SLC4A4: variants seen among roughly 807,000 people sequenced by gnomAD.
SLC4A4 encodes the protein electrogenic sodium bicarbonate cotransporter 1.
A neutral mutation model predicts 111.5 loss-of-function variants in SLC4A4; 27 were observed. The ratio of observed to expected loss-of-function variants is 0.24; its 90% CI spans 0.18 to 0.33. SLC4A4 has a LOEUF of 0.33. Among genes scored for constraint, SLC4A4 ranks in the 10% least tolerant of loss-of-function variants. SLC4A4 has a pLI of 1.00. For synonymous variants in SLC4A4, 443 were observed against 463.4 expected (o/e 0.96, Z 0.57); for missense variants, 909 against 1,315.5 (o/e 0.69, Z 4.78).
intron 21 of SLC4A4, among the ~76,000 whole-genome samples, chr4:71,556,275 A>G (rs1004347808): frequency 2.0e-5 from 3 of 151,998 alleles, no homozygotes; most frequent in African/African-American, 7.2e-5. Flanking sequence ...GGACTAGATG[A>G]ATGTGAGTTT....
At chr4:71,204,084 A>T (rs915445647) in intron 1 of SLC4A4, among the ~76,000 whole-genome samples, 3 of 152,218 alleles carry the variant, frequency 2.0e-5, no homozygotes, top group Non-Finnish European at 4.4e-5. Flanking sequence ...GGAGAGGAAG[A>T]TTCCATGCGG....
intron 2 of SLC4A4, among the ~76,000 whole-genome samples, chr4:71,134,658 A>T (rs1472906991): frequency 1.3e-5 from 2 of 152,198 alleles, no homozygotes; most frequent in Admixed American, 6.5e-5. Flanking sequence ...GAGGCCAGGG[A>T]TTCCCTCCTC....
chr4:71,385,463 G>A (rs1221799748), intron 6 of SLC4A4, among the ~76,000 whole-genome samples: 1 of 151,758 alleles, frequency 6.6e-6, no homozygotes, highest in Non-Finnish European at 1.5e-5. Flanking sequence ...CTCCGAAAGT[G>A]CTGGGATTAT....
intron 18 of SLC4A4, among the ~76,000 whole-genome samples, chr4:71,541,993 A>C (rs1735112175): frequency 6.6e-6 from 1 of 152,118 alleles, no homozygotes; most frequent in South Asian, 2.1e-4. Context: ...ACTCAAAGGG[A>C]CATCTTAGAA....
intron 1 of SLC4A4, among the ~76,000 whole-genome samples, chr4:71,065,964 A>T (rs1741507734): frequency 2.0e-5 from 3 of 152,166 alleles, no homozygotes; most frequent in Non-Finnish European, 2.9e-5. Context: ...CAGGAGTTGT[A>T]TATGCCTTCC....
At chr4:71,117,242 A>C (rs1225158226) in intron 2 of SLC4A4, among the ~76,000 whole-genome samples, 5 of 152,170 alleles carry the variant, frequency 3.3e-5, no homozygotes, top group Non-Finnish European at 5.9e-5. Context: ...TGGCCTCCTA[A>C]AGTGCTGGGA....
chr4:71,547,574 T>C, intron 19 of SLC4A4, 74 bp from the exon 20 acceptor site: 1 of 1,238,650 alleles, frequency 8.1e-7, no homozygotes. Flanking sequence ...TGTGTAGTTT[T>C]TTTGAAGGTG....
chr4:71,258,558 G>A (rs968835023), intron 3 of SLC4A4, among the ~76,000 whole-genome samples: 1 of 152,172 alleles, frequency 6.6e-6, no homozygotes, highest in African/African-American at 2.4e-5. Flanking sequence ...CACATAGTGT[G>A]TTTTTCATAC....
At chr4:71,527,519 G>C (rs1001151612) in intron 16 of SLC4A4, among the ~76,000 whole-genome samples, 1 of 151,996 alleles carries the variant, frequency 6.6e-6, no homozygotes, top group Non-Finnish European at 1.5e-5. Flanking sequence ...CAGGGAAGAG[G>C]AGCCAGGGGG....
intron 2 of SLC4A4, among the ~76,000 whole-genome samples, chr4:71,146,403 G>T (rs1419802992): frequency 2.6e-5 from 4 of 152,168 alleles, no homozygotes; most frequent in African/African-American, 4.8e-5. Context: ...GTGGTGTGGT[G>T]CTGAAAAGAA....
intron 7 of SLC4A4, among the ~76,000 whole-genome samples, chr4:71,427,885 A>G (rs945672359): frequency 2.0e-5 from 3 of 152,186 alleles, no homozygotes; most frequent in African/African-American, 7.2e-5. Flanking sequence ...CCTATGAAAC[A>G]GACTCCGAGT....
At chr4:71,126,184 T>C (rs145776068) in intron 2 of SLC4A4, among the ~76,000 whole-genome samples, 1,583 of 152,300 alleles carry the variant, frequency 0.01, 34 homozygotes, top group African/African-American at 0.036. Context: ...TCTTTATATA[T>C]GAGCTGTAAT....
chr4:71,129,322 A>G lies in SLC4A4; in HGVS notation c.-2+36530A>G, dbSNP rs1229710718. 2.6e-5 allele frequency among the ~76,000 whole-genome samples: 4 copies of G among 152,308 alleles called. No individual in the cohort carries two copies. The East Asian group carries it at 7.7e-4, about 29-fold the overall frequency. ...GGGCAAAAGTCACAAACAGACACTT[A>G]TCAAAAGGAGATATGCATGTGACCA... On this transcript the variant is annotated intron_variant, in intron 2 of 26. Transcript: ENST00000649996.
chr4:71,448,085 C>G (rs965657944), intron 9 of SLC4A4, among the ~76,000 whole-genome samples: 1 of 151,906 alleles, frequency 6.6e-6, no homozygotes, highest in African/African-American at 2.4e-5. Flanking sequence ...TTTGAGAGGT[C>G]GAGGTGGGCA....
At chr4:71,240,832 C>T (rs1240989121) in intron 2 of SLC4A4, among the ~76,000 whole-genome samples, 5 of 152,044 alleles carry the variant, frequency 3.3e-5, no homozygotes, top group African/African-American at 9.7e-5. Flanking sequence ...AAATTTGGTT[C>T]TCAAAGCCTG....
chr4:71,549,789 A>G (rs1735831511), intron 20 of SLC4A4, among the ~76,000 whole-genome samples: 1 of 151,806 alleles, frequency 6.6e-6, no homozygotes, highest in South Asian at 2.1e-4. Flanking sequence ...ATTTTCAACA[A>G]CGCCTCTTCC....
chr4:71,451,044 T>C, intron 10 of SLC4A4, 144 bp from the exon 11 acceptor site: 2 of 688,360 alleles, frequency 2.9e-6, no homozygotes, highest in Non-Finnish European at 5.3e-6. Context: ...CTTAAAGAAC[T>C]GTCTGTTAGA....
intron 2 of SLC4A4, among the ~76,000 whole-genome samples, chr4:71,097,352 A>G (rs924623592): frequency 1.3e-5 from 2 of 152,086 alleles, no homozygotes; most frequent in Non-Finnish European, 2.9e-5. Flanking sequence ...AAAAGACATG[A>G]TCTCGTTCTT....
intron 1 of SLC4A4, among the ~76,000 whole-genome samples, chr4:71,193,221 C>A (rs768275772): frequency 6.6e-6 from 1 of 152,122 alleles, no homozygotes; most frequent in Non-Finnish European, 1.5e-5. Context: ...GTGCGGTGGC[C>A]GGATCTCGGC....
Sources: gnomAD v4.1 joint callset for allele counts (sites outside exome capture counted in the v4.1 genomes callset) on GRCh38, gnomAD v4.1.1 for gene constraint, MANE v1.5 for transcripts, NCBI Gene and HGNC (gene_info 2026-07-23, HGNC 2026-07-21) for gene names.